The following CNTNAP2 variants were observed in gnomAD, a reference collection of about 807,000 sequenced individuals.
CNTNAP2 encodes contactin-associated protein-like 2.
A neutral mutation model predicts 155.2 loss-of-function variants in CNTNAP2; 98 were observed. The ratio of observed to expected loss-of-function variants is 0.63; its 90% confidence interval spans 0.54 to 0.75. The LOEUF (loss-of-function observed/expected upper bound fraction) is 0.75. Ranked by LOEUF, CNTNAP2 falls within the 30% of genes least tolerant of loss-of-function variation. CNTNAP2 has a pLI of 0.00. For missense variants in CNTNAP2, 1,727 were observed against 1,688.1 expected (o/e 1.02, Z -0.40); for synonymous variants, 651 against 631.2 (o/e 1.03, Z -0.47).
chr7:146,163,585 C>CTATCTATCTATATATATATATA (rs1354076042), intron 1 of CNTNAP2, among the ~76,000 whole-genome samples: 3 of 91,222 alleles, frequency 3.3e-5, no homozygotes, highest in African/African-American at 8.0e-5. Flanking sequence ...ATCTATCTAT[C>CTATCTATCTATATATATATATA]TATATATATA....
intron 13 of CNTNAP2, among the ~76,000 whole-genome samples, chr7:147,799,824 T>C (rs1193780310): frequency 6.6e-6 from 1 of 152,318 alleles, no homozygotes; most frequent in East Asian, 1.9e-4. Context: ...AAAGGAAGAT[T>C]GGGTCAAGTT....
At chr7:147,865,257 T>G (rs1404140202) in intron 13 of CNTNAP2, among the ~76,000 whole-genome samples, 1 of 152,204 alleles carries the variant, frequency 6.6e-6, no homozygotes, top group Non-Finnish European at 1.5e-5. Flanking sequence ...TGAACCAGCC[T>G]TGCATCCCAG....
chr7:146,528,428 G>A (rs1797722420), intron 1 of CNTNAP2, among the ~76,000 whole-genome samples: 3 of 152,056 alleles, frequency 2.0e-5, no homozygotes, highest in Non-Finnish European at 1.5e-5. Flanking sequence ...AGACCATTTA[G>A]CATACAGTCC....
chr7:146,597,124 T>G (rs183159951), intron 1 of CNTNAP2, among the ~76,000 whole-genome samples: 7 of 152,166 alleles, frequency 4.6e-5, no homozygotes, highest in African/African-American at 1.7e-4. Context: ...ATTAAGGAGT[T>G]TATGTTCTGG....
chr7:147,956,010 C>T (rs1478600984), intron 14 of CNTNAP2, among the ~76,000 whole-genome samples: 2 of 152,138 alleles, frequency 1.3e-5, no homozygotes, highest in African/African-American at 4.8e-5. Context: ...CACAGTTGCA[C>T]ACTGCAAATC....
chr7:147,596,606 C>CAG (rs1360972356), intron 12 of CNTNAP2, among the ~76,000 whole-genome samples: 1 of 152,170 alleles, frequency 6.6e-6, no homozygotes, highest in African/African-American at 2.4e-5. Context: ...CTCATTCATT[C>CAG]AGCCTTTTGT....
chr7:146,188,798 A>C (rs1189814555), intron 1 of CNTNAP2, among the ~76,000 whole-genome samples: 1 of 152,222 alleles, frequency 6.6e-6, no homozygotes, highest in African/African-American at 2.4e-5. Flanking sequence ...CCACTGAGTT[A>C]TTGAACTTGC....
At chr7:148,410,632 AATT>A (rs1213140172) in intron 23 of CNTNAP2, among the ~76,000 whole-genome samples, 1 of 152,086 alleles carries the variant, frequency 6.6e-6, no homozygotes, top group East Asian at 1.9e-4. Context: ...TCATAATAAA[AATT>A]ATCAGAAAAT....
chr7:146,784,505 C>A (rs10241577), intron 2 of CNTNAP2, among the ~76,000 whole-genome samples: 64,813 of 152,044 alleles, frequency 0.43, 16,738 homozygotes, highest in African/African-American at 0.73. Context: ...ATTAGCAAAT[C>A]AATGTATTTA....
At chr7:146,889,608 ATTG>A (rs761702460) in intron 3 of CNTNAP2, among the ~76,000 whole-genome samples, 37 of 152,192 alleles carry the variant, frequency 2.4e-4, no homozygotes, top group Non-Finnish European at 4.0e-4. Flanking sequence ...CATTTCCATT[ATTG>A]TTTTTTAGTT....
intron 8 of CNTNAP2, among the ~76,000 whole-genome samples, chr7:147,298,504 G>T (rs1794879270): frequency 2.0e-5 from 3 of 152,130 alleles, no homozygotes; most frequent in South Asian, 4.1e-4. Flanking sequence ...ACCCTGAGGG[G>T]TGATTATGTG....
chr7:147,407,467 CAAAAAAAAAAAAAAAAAAAAAA>C lies in CNTNAP2; in HGVS notation c.1670+11703_1670+11724del, dbSNP rs768738493. ...TGGGCAACAGAGCGAGACTCCCTCT[CAAAAAAAAAAAAAAAAAAAAAA>C]AAAAAAAAAAAAAAAGAAATACCAT... On this transcript the variant is annotated intron_variant, in intron 10 of 23. Transcript: ENST00000361727. Among the ~76,000 whole-genome samples the C allele has an allele frequency of 5.6e-4, 36 of 64,864 alleles. 1 individual carries two copies. The highest frequency in any genetic ancestry group is 1.8e-3 in the African/African-American group (34 of 18,596). 42.6% of individuals were successfully genotyped at this position (64,864 alleles called of 152,430 possible).
chr7:147,165,598 A>C (rs9792012), intron 8 of CNTNAP2, among the ~76,000 whole-genome samples: 80,855 of 151,920 alleles, frequency 0.53, 22,132 homozygotes, highest in South Asian at 0.71. Flanking sequence ...ATGTTATCTT[A>C]TAGAATTTTT....
chr7:147,098,951 CT>C (rs1245515929), intron 4 of CNTNAP2, among the ~76,000 whole-genome samples: 1 of 151,906 alleles, frequency 6.6e-6, no homozygotes, highest in Non-Finnish European at 1.5e-5. Flanking sequence ...TACTTTATTA[CT>C]TTTATTACTG....
chr7:148,216,317 C>T (rs1288915369), intron 18 of CNTNAP2, among the ~76,000 whole-genome samples: 1 of 152,204 alleles, frequency 6.6e-6, no homozygotes, highest in Non-Finnish European at 1.5e-5. Flanking sequence ...ACTAATTACT[C>T]TCCACTTCAT....
intron 12 of CNTNAP2, among the ~76,000 whole-genome samples, chr7:147,566,339 G>C (rs1380120526): frequency 1.6e-5 from 2 of 123,330 alleles, no homozygotes; most frequent in African/African-American, 6.1e-5. Context: ...TAGAGGGAGG[G>C]GGAGGGGAAA....
chr7:147,285,255 T>C (rs1163228122), intron 8 of CNTNAP2, among the ~76,000 whole-genome samples: 1 of 151,416 alleles, frequency 6.6e-6, no homozygotes, highest in African/African-American at 2.4e-5. Context: ...ACTTGGGAAT[T>C]TCTGAGCCCC....
chr7:146,825,163 A>G (rs956589015), intron 2 of CNTNAP2, among the ~76,000 whole-genome samples: 2 of 152,086 alleles, frequency 1.3e-5, no homozygotes, highest in African/African-American at 2.4e-5. Context: ...ATTTTAAGTT[A>G]ATATCAAAAC....
At chr7:146,445,111 G>C (rs958934091) in intron 1 of CNTNAP2, among the ~76,000 whole-genome samples, 54 of 100,734 alleles carry the variant, frequency 5.4e-4, no homozygotes, top group Non-Finnish European at 5.3e-4. Context: ...TTATACCAGA[G>C]TCACCAAAAT....
Sources: gnomAD v4.1 joint callset for allele counts (sites outside exome capture counted in the v4.1 genomes callset) on GRCh38, gnomAD v4.1.1 for gene constraint, MANE v1.5 for transcripts, NCBI Gene and HGNC (gene_info 2026-07-23, HGNC 2026-07-21) for gene names.